The following CDH13 variants were observed in gnomAD, a reference collection of about 807,000 sequenced individuals.
CDH13 encodes the protein cadherin 13.
In CDH13, 24 loss-of-function variants were observed where a neutral mutation model predicts 63.8. That is an observed-to-expected ratio of 0.38 (90% CI 0.27 to 0.53). CDH13 has a LOEUF of 0.53. Ranked by LOEUF, CDH13 falls within the 20% of genes least tolerant of loss-of-function variation. CDH13 has a pLI of 0.85. For synonymous variants in CDH13, 503 were observed against 355.3 expected (o/e 1.42, Z -4.67); for missense variants, 1,049 against 903.1 (o/e 1.16, Z -2.07).
At chr16:83,407,985 G>C (rs1216193185) in intron 6 of CDH13, among the ~76,000 whole-genome samples, 1 of 152,066 alleles carries the variant, frequency 6.6e-6, no homozygotes, top group African/African-American at 2.4e-5. Flanking sequence ...GTCATTCCTT[G>C]GGTCATCTCT....
At chr16:82,721,389 G>T (rs1335703266) in intron 1 of CDH13, among the ~76,000 whole-genome samples, 1 of 152,108 alleles carries the variant, frequency 6.6e-6, no homozygotes, top group South Asian at 2.1e-4. Flanking sequence ...TTATATTTAG[G>T]ATGAGTGAGG....
rs189988872 is a variant in CDH13 at position 83,389,727 on chromosome 16, C to T, written c.781+44721C>T. On this transcript the variant is annotated intron_variant, in intron 6 of 13. Coordinates refer to ENST00000567109, the MANE Select transcript of CDH13 (RefSeq NM_001257.5). ...ATTTTCCAAGACTCCCCTCAAACTC[C>T]AATGAATTAAAGTTTTCAGAGTTTG... Among the ~76,000 whole-genome samples the T allele has an allele frequency of 1.3e-3, 191 of 152,268 alleles. 1 individual carries two copies. The Middle Eastern group carries it at 0.017, about 14-fold the overall frequency.
At chr16:83,488,859 A>G (rs1265670509) in intron 7 of CDH13, among the ~76,000 whole-genome samples, 1 of 152,148 alleles carries the variant, frequency 6.6e-6, no homozygotes, top group Non-Finnish European at 1.5e-5. Context: ...TCCTGACCTT[A>G]GGTGATCTGC....
intron 6 of CDH13, among the ~76,000 whole-genome samples, chr16:83,473,955 C>T (rs13332936): frequency 0.017 from 2,593 of 152,202 alleles, 78 homozygotes; most frequent in African/African-American, 0.059. Context: ...TGCTATGGTA[C>T]GAACCCTCAT....
intron 3 of CDH13, among the ~76,000 whole-genome samples, chr16:83,097,201 T>C (rs189941802): frequency 6.6e-6 from 1 of 152,308 alleles, no homozygotes; most frequent in East Asian, 1.9e-4. Flanking sequence ...GTCTAACTGA[T>C]ATGAAACATT....
At chr16:82,847,023 C>T (rs867582801) in intron 1 of CDH13, among the ~76,000 whole-genome samples, 7 of 152,308 alleles carry the variant, frequency 4.6e-5, no homozygotes, top group African/African-American at 1.7e-4. Context: ...AAAGCCATGA[C>T]CTTCCCTTAT....
At position 83,587,810 on chromosome 16, in the gene CDH13, C is replaced by T. The variant is rs555139923; in HGVS notation, c.961-14644C>T. On this transcript the variant is annotated intron_variant, in intron 7 of 13. Coordinates refer to ENST00000567109, the MANE Select transcript of CDH13 (RefSeq NM_001257.5). ...AAACCCAAGGAAAGCTATTTGCTTT[C>T]GGAGAGTGCTTGGCGAATGACAGGA... is the stretch of plus-strand genomic sequence containing the variant. 2.6e-5 allele frequency among the ~76,000 whole-genome samples: 4 copies of T among 152,126 alleles called. No homozygotes were observed. In the South Asian group the frequency reaches 6.2e-4, roughly 24 times the overall value.
chr16:83,395,538 A>G (rs2091871344), intron 6 of CDH13, among the ~76,000 whole-genome samples: 1 of 152,102 alleles, frequency 6.6e-6, no homozygotes, highest in Non-Finnish European at 1.5e-5. Context: ...AGGTACAACT[A>G]TTACTCTTCC....
At chr16:82,937,674 T>C (rs1227901881) in intron 2 of CDH13, among the ~76,000 whole-genome samples, 1 of 152,214 alleles carries the variant, frequency 6.6e-6, no homozygotes, top group African/African-American at 2.4e-5. Flanking sequence ...TCCTATGTTA[T>C]CTCTGAACTG....
intron 4 of CDH13, among the ~76,000 whole-genome samples, chr16:83,143,835 C>G (rs560117058): frequency 6.6e-6 from 1 of 152,140 alleles, no homozygotes; most frequent in East Asian, 1.9e-4. Flanking sequence ...CTGCCTGACT[C>G]TATTAAGATA....
chr16:83,102,289 T>A (rs1231211900), intron 3 of CDH13, among the ~76,000 whole-genome samples: 1 of 152,216 alleles, frequency 6.6e-6, no homozygotes, highest in Non-Finnish European at 1.5e-5. Flanking sequence ...GTGTGTTGTT[T>A]TAAGTCGCTG....
intron 1 of CDH13, among the ~76,000 whole-genome samples, chr16:82,746,102 C>A (rs2318188): frequency 0.56 from 84,926 of 151,352 alleles, 23,896 homozygotes; most frequent in East Asian, 0.65. Flanking sequence ...TTCTCTCTCT[C>A]TATATATACA....
chr16:83,751,175 A>C (rs1179663399), intron 11 of CDH13, among the ~76,000 whole-genome samples: 4 of 152,200 alleles, frequency 2.6e-5, no homozygotes, highest in Non-Finnish European at 5.9e-5. Context: ...ATGGTGCCTG[A>C]CTTAGAGCAG....
intron 8 of CDH13, among the ~76,000 whole-genome samples, chr16:83,670,088 C>A (rs927585546): frequency 3.9e-5 from 6 of 152,190 alleles, no homozygotes; most frequent in Non-Finnish European, 5.9e-5. Flanking sequence ...AGGCTCCAAA[C>A]AATTCATGTA....
At chr16:83,541,277 G>A (rs1652525786) in intron 7 of CDH13, among the ~76,000 whole-genome samples, 1 of 152,196 alleles carries the variant, frequency 6.6e-6, no homozygotes, top group Non-Finnish European at 1.5e-5. Context: ...TTGAGGCATT[G>A]AAAATCTAAA....
At chr16:83,635,811 C>G (rs543493510) in intron 8 of CDH13, among the ~76,000 whole-genome samples, 95 of 152,258 alleles carry the variant, frequency 6.2e-4, no homozygotes, top group Non-Finnish European at 9.4e-4. Context: ...TAATTTCATG[C>G]AAGTCCAATT....
intron 7 of CDH13, among the ~76,000 whole-genome samples, chr16:83,559,190 G>C (rs1020036078): frequency 2.0e-5 from 3 of 152,214 alleles, no homozygotes; most frequent in African/African-American, 4.8e-5. Context: ...TGTGGGTGAG[G>C]ATAGTGAATA....
chr16:82,964,320 C>G (rs1178679065), intron 2 of CDH13, among the ~76,000 whole-genome samples: 1 of 152,184 alleles, frequency 6.6e-6, no homozygotes, highest in African/African-American at 2.4e-5. Flanking sequence ...AAAGGGCTTA[C>G]TAGACTGAAA....
At chr16:82,635,030 A>T (rs1908484366) in intron 1 of CDH13, among the ~76,000 whole-genome samples, 1 of 152,216 alleles carries the variant, frequency 6.6e-6, no homozygotes, top group Non-Finnish European at 1.5e-5. Flanking sequence ...TTTAAGATGG[A>T]GACAACTGTG....
Sources: gnomAD v4.1 joint callset for allele counts (sites outside exome capture counted in the v4.1 genomes callset) on GRCh38, gnomAD v4.1.1 for gene constraint, MANE v1.5 for transcripts, NCBI Gene and HGNC (gene_info 2026-07-23, HGNC 2026-07-21) for gene names.